Variants in PDE4D observed in about 807,000 individuals in gnomAD.
The protein encoded by PDE4D is phosphodiesterase 4D.
A neutral mutation model predicts 87.4 loss-of-function variants in PDE4D; 24 were observed. That is an observed-to-expected ratio of 0.27 (90% CI 0.20 to 0.39). PDE4D has a LOEUF of 0.39. PDE4D is among the 10% of genes least tolerant of loss of function. PDE4D has a pLI of 1.00. For synonymous variants in PDE4D, 384 were observed against 383.2 expected (o/e 1.00, Z -0.02); for missense variants, 714 against 1,041.0 (o/e 0.69, Z 4.32).
At chr5:59,888,626 G>A (rs990127483) in intron 1 of PDE4D, among the ~76,000 whole-genome samples, 1 of 151,996 alleles carries the variant, frequency 6.6e-6, no homozygotes, top group Admixed American at 6.6e-5. Flanking sequence ...CCTTATGTCA[G>A]TTTTCCAATA....
chr5:59,471,210 A>G (rs2153651722), intron 1 of PDE4D, among the ~76,000 whole-genome samples: 1 of 152,288 alleles, frequency 6.6e-6, no homozygotes, highest in South Asian at 2.1e-4. Flanking sequence ...CTGCCACTGC[A>G]CTCCAGCCTG....
rs1350192192 is a variant in PDE4D at position 59,919,644 on chromosome 5, TGAACCTGGTAATC to T, written c.272+68831_272+68843del. On this transcript the variant is annotated intron_variant, in intron 3 of 16. Transcript: ENST00000502484. ...TTGAAGAGCACTCCATGCAAACCAC[TGAACCTGGTAATC>T]ATGCACCATCTGTTCCTTTTCTTCC... Among the ~76,000 whole-genome samples, 3 of 152,240 alleles carry T rather than the reference TGAACCTGGTAATC, an allele frequency of 2.0e-5. No homozygotes were observed. The East Asian group carries it at 5.8e-4, about 29-fold the overall frequency.
At chr5:60,453,128 T>G (rs1212063772) in intron 1 of PDE4D, among the ~76,000 whole-genome samples, 1 of 152,136 alleles carries the variant, frequency 6.6e-6, no homozygotes, top group Non-Finnish European at 1.5e-5. Flanking sequence ...TCAGATCAGC[T>G]CTTTATAATC....
intron 2 of PDE4D, among the ~76,000 whole-genome samples, chr5:60,027,053 C>G (rs1455250699): frequency 2.0e-5 from 3 of 152,148 alleles, no homozygotes; most frequent in Non-Finnish European, 4.4e-5. Context: ...ATTCCCCCGC[C>G]ATTTTTTTCC....
intron 5 of PDE4D, among the ~76,000 whole-genome samples, chr5:59,148,698 T>C (rs1779017219): frequency 6.6e-6 from 1 of 151,938 alleles, no homozygotes; most frequent in Non-Finnish European, 1.5e-5. Flanking sequence ...AGATGATAGG[T>C]TATTCAATAA....
chr5:60,048,734 C>A (rs901006348), intron 2 of PDE4D, among the ~76,000 whole-genome samples: 1 of 131,926 alleles, frequency 7.6e-6, no homozygotes, highest in African/African-American at 2.8e-5. Flanking sequence ...CTGAGAGATC[C>A]GCTGTTAGTC....
chr5:59,969,547 C>T (rs146829554), intron 3 of PDE4D, among the ~76,000 whole-genome samples: 33 of 152,222 alleles, frequency 2.2e-4, no homozygotes, highest in Non-Finnish European at 3.5e-4. Context: ...AATGACTTGT[C>T]TCTGAAATAC....
chr5:60,146,281 C>T (rs1030869164), intron 2 of PDE4D, among the ~76,000 whole-genome samples: 2 of 152,164 alleles, frequency 1.3e-5, no homozygotes, highest in Non-Finnish European at 2.9e-5. Flanking sequence ...AACCTAGCAC[C>T]TGGTAGTAGA....
intron 1 of PDE4D, among the ~76,000 whole-genome samples, chr5:59,599,996 A>T (rs1827265394): frequency 6.6e-6 from 1 of 152,194 alleles, no homozygotes; most frequent in South Asian, 2.1e-4. Flanking sequence ...CATAATTGGT[A>T]TCCCTGCTGG....
chr5:59,016,620 T>C (rs1249675658), intron 6 of PDE4D, among the ~76,000 whole-genome samples: 1 of 152,168 alleles, frequency 6.6e-6, no homozygotes, highest in African/African-American at 2.4e-5. Context: ...TCTTTCTTTA[T>C]TCTGTTTAAC....
chr5:59,316,977 C>G (rs943247583), intron 1 of PDE4D, among the ~76,000 whole-genome samples: 1 of 152,132 alleles, frequency 6.6e-6, no homozygotes, highest in African/African-American at 2.4e-5. Flanking sequence ...CAGTTCTACT[C>G]TAGGGATGAG....
chr5:60,062,740 T>C (rs1203168997), intron 2 of PDE4D, among the ~76,000 whole-genome samples: 1 of 151,810 alleles, frequency 6.6e-6, no homozygotes, highest in Non-Finnish European at 1.5e-5. Context: ...CAGCCACAAA[T>C]AGGAATGAGT....
intron 1 of PDE4D, among the ~76,000 whole-genome samples, chr5:59,332,865 C>G (rs1042906174): frequency 6.6e-6 from 1 of 152,170 alleles, no homozygotes; most frequent in Non-Finnish European, 1.5e-5. Flanking sequence ...GTGACACAGA[C>G]ATGATCATCT....
chr5:60,241,537 G>A (rs1372732424), intron 1 of PDE4D, among the ~76,000 whole-genome samples: 2 of 152,064 alleles, frequency 1.3e-5, no homozygotes, highest in East Asian at 1.9e-4. Flanking sequence ...GCCTCCCAAA[G>A]TGCTGTGCCC....
chr5:59,286,132 CA>C (rs1241204144), intron 1 of PDE4D, among the ~76,000 whole-genome samples: 2 of 152,196 alleles, frequency 1.3e-5, no homozygotes, highest in Non-Finnish European at 2.9e-5. Flanking sequence ...GCTTCCCCTA[CA>C]AGTTCAGTGG....
intron 1 of PDE4D, among the ~76,000 whole-genome samples, chr5:60,230,480 A>G (rs960758388): frequency 1.8e-4 from 27 of 152,044 alleles, no homozygotes; most frequent in African/African-American, 6.5e-4. Context: ...GAGTGGGTGA[A>G]TTATTCTAGA....
At chr5:59,965,611 G>C (rs6895724) in intron 3 of PDE4D, among the ~76,000 whole-genome samples, 94,467 of 151,838 alleles carry the variant, frequency 0.62, 32,038 homozygotes, top group East Asian at 0.83. Context: ...ACCAATGCAC[G>C]AGCATTATAA....
chr5:59,516,298 T>C (rs1198177215), intron 1 of PDE4D, among the ~76,000 whole-genome samples: 1 of 152,166 alleles, frequency 6.6e-6, no homozygotes, highest in African/African-American at 2.4e-5. Context: ...GCAGTCACTT[T>C]CTCTGGATTT....
chr5:60,303,287 G>C (rs1754092303), intron 1 of PDE4D, among the ~76,000 whole-genome samples: 1 of 150,120 alleles, frequency 6.7e-6, no homozygotes, highest in Non-Finnish European at 1.5e-5. Context: ...CCATGTAATT[G>C]TGTGGTTATA....
Sources: gnomAD v4.1 joint callset for allele counts (sites outside exome capture counted in the v4.1 genomes callset) on GRCh38, gnomAD v4.1.1 for gene constraint, MANE v1.5 for transcripts, NCBI Gene and HGNC (gene_info 2026-07-23, HGNC 2026-07-21) for gene names.